The following PSMB7 variants were observed in gnomAD, a reference collection of about 807,000 sequenced individuals.
The protein encoded by PSMB7 is proteasome subunit beta type-7.
In PSMB7, 5 loss-of-function variants were observed where a neutral mutation model predicts 28.1. That is an observed-to-expected ratio of 0.18 (90% confidence interval 0.09 to 0.37). PSMB7 has a LOEUF of 0.37. Among genes scored for constraint, PSMB7 ranks in the 10% least tolerant of loss-of-function variants. The probability of loss-of-function intolerance (pLI) is 1.00; values close to 1 mark genes in which losing one functional copy is unlikely to be tolerated. For synonymous variants in PSMB7, 122 were observed against 123.7 expected (o/e 0.99, Z 0.09); for missense variants, 275 against 346.2 (o/e 0.79, Z 1.63).
intron 5 of PSMB7, among the ~76,000 whole-genome samples, chr9:124,391,430 C>CA (rs1830786278): frequency 2.0e-5 from 3 of 152,032 alleles, no homozygotes; most frequent in Admixed American, 2.0e-4. Context: ...CTCCCCACCC[C>CA]AAAAAAGCAT....
chr9:124,356,708 C>G lies in PSMB7; in HGVS notation c.722+56G>C. The G allele has an allele frequency of 6.4e-7, 1 of 1,569,638 alleles. No homozygotes were observed. Among genetic ancestry groups the G allele is most frequent in the Non-Finnish European group, 8.7e-7 (1 of 1,149,478 alleles). On this transcript the variant is annotated intron_variant, in intron 7 of 7. Transcript: ENST00000259457. The surrounding 1 kb of genome is among the most constrained non-coding windows in gnomAD (Gnocchi z 4.4). ...ACTCCATCCAGATGCCATGGAGATA[C>G]CAAGGGTGGCCACGACGCCAGGGGA...
At chr9:124,388,289 G>C (rs959324941) in intron 5 of PSMB7, among the ~76,000 whole-genome samples, 1 of 152,206 alleles carries the variant, frequency 6.6e-6, no homozygotes, top group African/African-American at 2.4e-5. Flanking sequence ...GGCCAGGACT[G>C]GGCCTCTGCT....
intron 6 of PSMB7, among the ~76,000 whole-genome samples, chr9:124,365,530 C>T (rs1484279643): frequency 2.0e-5 from 3 of 152,126 alleles, no homozygotes; most frequent in African/African-American, 4.8e-5. Flanking sequence ...CAGGAAGACA[C>T]AAAAATTTCT....
At chr9:124,384,492 A>C (rs567455119) in intron 6 of PSMB7, 106 bp downstream of exon 6, 1 of 1,039,112 alleles carries the variant, frequency 9.6e-7, no homozygotes, top group African/African-American at 1.6e-5. Flanking sequence ...TCCAACTAAC[A>C]ACAGTGCTGT....
intron 6 of PSMB7, among the ~76,000 whole-genome samples, chr9:124,363,722 T>C (rs1472520577): frequency 6.6e-6 from 1 of 152,030 alleles, no homozygotes; most frequent in African/African-American, 2.4e-5. Flanking sequence ...GGTACCAGGA[T>C]CTGGGTGACA....
At chr9:124,376,378 C>T (rs1830609284) in intron 6 of PSMB7, among the ~76,000 whole-genome samples, 1 of 150,790 alleles carries the variant, frequency 6.6e-6, no homozygotes, top group South Asian at 2.1e-4. Context: ...GGGTGGAGGG[C>T]AGTTTAAAAA....
At chr9:124,398,634 C>G (rs187870196) in intron 5 of PSMB7, among the ~76,000 whole-genome samples, 2 of 152,152 alleles carry the variant, frequency 1.3e-5, no homozygotes, top group African/African-American at 4.8e-5. Flanking sequence ...ATGCAGAGAA[C>G]AGTCAAAAAT....
chr9:124,383,363 C>T (rs1268809632), intron 6 of PSMB7, among the ~76,000 whole-genome samples: 2 of 152,180 alleles, frequency 1.3e-5, no homozygotes, highest in Non-Finnish European at 2.9e-5. Flanking sequence ...ATTCCTGCAG[C>T]TATCCGAGAA....
intron 5 of PSMB7, among the ~76,000 whole-genome samples, chr9:124,386,730 A>C (rs892295285): frequency 1.1e-4 from 16 of 152,214 alleles, no homozygotes; most frequent in African/African-American, 3.9e-4. Flanking sequence ...ACTGTAATGA[A>C]TTGTTAAAAA....
At chr9:124,414,962 T>C in intron 1 of PSMB7, 27 bp from the exon 2 acceptor site, 2 of 1,518,066 alleles carry the variant, frequency 1.3e-6, no homozygotes, top group Non-Finnish European at 9.1e-7. Flanking sequence ...GAATCAAGTG[T>C]TGAAGGGCAG....
At chr9:124,411,214 C>T (rs1354358485) in intron 4 of PSMB7, among the ~76,000 whole-genome samples, 1 of 152,112 alleles carries the variant, frequency 6.6e-6, no homozygotes, top group African/African-American at 2.4e-5. Flanking sequence ...TCAGGTGATC[C>T]GCCAACCTTG....
At chr9:124,405,679 C>T (rs1398720789) in intron 4 of PSMB7, among the ~76,000 whole-genome samples, 2 of 152,068 alleles carry the variant, frequency 1.3e-5, no homozygotes, top group South Asian at 4.2e-4. Context: ...GCCTCACAGC[C>T]CCCATTATTA....
At position 124,353,468 on chromosome 9, in the gene PSMB7, G is replaced by A; in HGVS notation, c.*130C>T. The A allele has an allele frequency of 5.7e-6, 4 of 703,722 alleles. No homozygotes were observed. The East Asian group carries it at 1.1e-4, about 19-fold the overall frequency. The allele number at this position is 703,722 out of a possible 1,614,324, so 43.6% of individuals were successfully genotyped here. A position where few individuals can be genotyped will look rare whatever the true frequency, so the allele number is the denominator to read the frequency against. ...AACACCACACAGTGCCCAGACCTCAGCTGCCCAATTTGGTTTTTGTTTTTT... is the reference window on the plus strand; with the variant it reads ...AACACCACACAGTGCCCAGACCTCAACTGCCCAATTTGGTTTTTGTTTTTT... On this transcript the variant is annotated 3_prime_UTR_variant, in exon 8 of 8. Transcript: ENST00000259457.
At position 124,415,346 on chromosome 9, in the gene PSMB7, C is replaced by T. The variant is rs370021298; in HGVS notation, c.62+18G>A. On this transcript the variant is annotated intron_variant, in intron 1 of 7. Coordinates refer to ENST00000259457, the MANE Select transcript of PSMB7 (RefSeq NM_002799.4). ...CACTCTTCTCCCTCCCTGAACCAAGCCCCAAGCAAGGCGGCACCTGCGGCA... is the reference window on the plus strand; with the variant it reads ...CACTCTTCTCCCTCCCTGAACCAAGTCCCAAGCAAGGCGGCACCTGCGGCA... 26 of 1,613,146 alleles carry T rather than the reference C, an allele frequency of 1.6e-5. No homozygotes were observed. The highest frequency in any genetic ancestry group is 8.3e-5 in the Admixed American group (5 of 60,000).
chr9:124,413,353 C>A (rs941788740), intron 3 of PSMB7, among the ~76,000 whole-genome samples: 2 of 151,702 alleles, frequency 1.3e-5, no homozygotes, highest in African/African-American at 2.4e-5. Flanking sequence ...GTGATGGCAA[C>A]TGAAAAAGAC....
chr9:124,367,756 G>T (rs886112839), intron 6 of PSMB7, among the ~76,000 whole-genome samples: 4 of 152,174 alleles, frequency 2.6e-5, no homozygotes, highest in Non-Finnish European at 5.9e-5. Flanking sequence ...ATGGTCATGA[G>T]GATGATACGA....
At chr9:124,375,130 G>A (rs1830597003) in intron 6 of PSMB7, among the ~76,000 whole-genome samples, 1 of 151,996 alleles carries the variant, frequency 6.6e-6, no homozygotes, top group Non-Finnish European at 1.5e-5. Context: ...AAAAGCTATG[G>A]ATCACAATAA....
chr9:124,385,363 G>A (rs1484051734), intron 5 of PSMB7, among the ~76,000 whole-genome samples: 1 of 152,222 alleles, frequency 6.6e-6, no homozygotes. Context: ...TTAACGGATA[G>A]CAAATTTATC....
At position 124,412,432 on chromosome 9, in the gene PSMB7, G is replaced by A. The variant is rs1397127408; in HGVS notation, c.315C>T (p.Asn105=). ...CAGTGGAGAGGGAGTGGAGCTCCAGGTTGGAAGAAATGAGCTGGGTTGTCA... is the reference window on the plus strand; with the variant it reads ...CAGTGGAGAGGGAGTGGAGCTCCAGATTGGAAGAAATGAGCTGGGTTGTCA... The part of the protein sequence containing the change: ...TDMTTQLISS[N]LELHSLSTGR... Residue 105 remains asparagine, a synonymous_variant, in exon 4 of 8, where the codon AAC becomes AAT. Coordinates refer to ENST00000259457, the MANE Select transcript of PSMB7 (RefSeq NM_002799.4). 1.2e-6 allele frequency: 2 copies of A among 1,614,034 alleles called. No individual in the cohort carries two copies. The highest frequency in any genetic ancestry group is 1.1e-5 in the South Asian group (1 of 91,094).
Sources: allele counts gnomAD v4.1 joint callset (sites outside exome capture counted in the v4.1 genomes callset), GRCh38; gene constraint gnomAD v4.1.1; non-coding constraint Gnocchi (gnomAD v3.1); transcripts MANE v1.5; gene names NCBI Gene and HGNC (gene_info 2026-07-23, HGNC 2026-07-21).